The following SYT16 variants were observed in gnomAD, a reference collection of about 807,000 sequenced individuals.
SYT16 encodes synaptotagmin 16.
SYT16 carries 42 observed loss-of-function variants against 61.4 expected under a neutral mutation model. The observed-to-expected ratio is 0.68, with a 90% CI of 0.53 to 0.89. The LOEUF (loss-of-function observed/expected upper bound fraction) is 0.89, where lower values mean the gene tolerates loss of function less well. SYT16 is among the 40% of genes least tolerant of loss of function. SYT16 has a pLI of 0.00. For missense variants in SYT16, 804 were observed against 807.3 expected (o/e 1.00, Z 0.05); for synonymous variants, 314 against 302.3 (o/e 1.04, Z -0.40).
At chr14:61,907,795 C>T (rs2048781139) in intron 1 of SYT16, among the ~76,000 whole-genome samples, 1 of 152,170 alleles carries the variant, frequency 6.6e-6, no homozygotes, top group Non-Finnish European at 1.5e-5. Flanking sequence ...GGTGTGAGCC[C>T]CAGGGGGGTG....
intron 3 of SYT16, among the ~76,000 whole-genome samples, chr14:61,999,194 T>C (rs1455593976): frequency 6.6e-6 from 1 of 151,820 alleles, no homozygotes; most frequent in Non-Finnish European, 1.5e-5. Flanking sequence ...GAAAAATTTG[T>C]GTACAATTAT....
chr14:62,016,724 AAAAT>A (rs926457649), intron 3 of SYT16, among the ~76,000 whole-genome samples: 2 of 152,024 alleles, frequency 1.3e-5, no homozygotes, highest in African/African-American at 4.8e-5. Context: ...AAAAAGAAAA[AAAAT>A]AAAGTTATGG....
intron 1 of SYT16, among the ~76,000 whole-genome samples, chr14:61,858,466 C>A (rs562127277): frequency 6.6e-6 from 1 of 152,212 alleles, no homozygotes; most frequent in South Asian, 2.1e-4. Flanking sequence ...GGGAATACTT[C>A]AGTGGTCTTA....
At chr14:61,848,810 A>G (rs983716620) in intron 1 of SYT16, among the ~76,000 whole-genome samples, 1 of 152,132 alleles carries the variant, frequency 6.6e-6, no homozygotes, top group Non-Finnish European at 1.5e-5. Context: ...CCCTTTTGTG[A>G]CAGAGCTGGT....
chr14:62,043,247 A>C (rs980650762), intron 3 of SYT16, among the ~76,000 whole-genome samples: 3 of 151,990 alleles, frequency 2.0e-5, no homozygotes, highest in Non-Finnish European at 4.4e-5. Flanking sequence ...GAGAATAAGT[A>C]TTCTTGTCTT....
At chr14:61,955,477 T>C (rs566919973) in intron 1 of SYT16, among the ~76,000 whole-genome samples, 1 of 152,172 alleles carries the variant, frequency 6.6e-6, no homozygotes, top group South Asian at 2.1e-4. Context: ...CAACTAACAT[T>C]CTCTCTGCTT....
chr14:61,889,951 G>C (rs2048059568), intron 1 of SYT16, among the ~76,000 whole-genome samples: 1 of 151,936 alleles, frequency 6.6e-6, no homozygotes, highest in Non-Finnish European at 1.5e-5. Flanking sequence ...AGGACTCAGA[G>C]GGGCTGGATA....
chr14:62,027,794 A>T (rs2054158372), intron 3 of SYT16, among the ~76,000 whole-genome samples: 1 of 152,114 alleles, frequency 6.6e-6, no homozygotes, highest in Admixed American at 6.5e-5. Context: ...GCCATGTTTA[A>T]TTTGAGTCTT....
At position 62,069,777 on chromosome 14, in the gene SYT16, C is replaced by T; in HGVS notation, c.698C>T (p.Thr233Ile). 6.2e-7 allele frequency: 1 copy of T among 1,614,016 alleles called. No individual in the cohort carries two copies. The highest frequency in any genetic ancestry group is 2.2e-5 in the East Asian group (1 of 44,882). The change falls in exon 4 of 8, where the codon ACA becomes ATA. Residue 233 changes from threonine to isoleucine, a missense_variant. By Grantham distance (89) the Thr-to-Ile change is moderately conservative. Transcript: ENST00000683842. Reference protein sequence around the residue: ...QKPKFSRSLLTHGEDGTEVSA... With the variant: ...QKPKFSRSLLIHGEDGTEVSA... ...CCAAAATTCAGCCGTTCGTTGTTGA[C>T]ACACGGAGAAGATGGCACAGAAGTA...
intron 1 of SYT16, among the ~76,000 whole-genome samples, chr14:61,836,495 T>C (rs2046133860): frequency 6.6e-6 from 1 of 152,238 alleles, no homozygotes; most frequent in African/African-American, 2.4e-5. Context: ...GAATATTAAA[T>C]GTGCACCTTC....
chr14:61,924,732 TG>T (rs1339966164), intron 1 of SYT16, among the ~76,000 whole-genome samples: 1 of 152,200 alleles, frequency 6.6e-6, no homozygotes, highest in Non-Finnish European at 1.5e-5. Context: ...TTATGTAAAA[TG>T]GCAATGATGA....
At chr14:62,063,116 C>T (rs1169294201) in intron 3 of SYT16, among the ~76,000 whole-genome samples, 3 of 152,150 alleles carry the variant, frequency 2.0e-5, no homozygotes, top group African/African-American at 7.2e-5. Flanking sequence ...CACCTCCAGG[C>T]TTGGGAAAAA....
Position 62,101,068 on chromosome 14 carries a change from A to G in SYT16, c.*361A>G, listed in dbSNP as rs1468412191. The G allele has an allele frequency of 5.7e-6, 1 of 175,890 alleles. No homozygotes were observed. The highest frequency in any genetic ancestry group is 2.4e-5 in the African/African-American group (1 of 42,048). 10.9% of individuals were successfully genotyped at this position (175,890 alleles called of 1,614,324 possible). A position where few individuals can be genotyped will look rare whatever the true frequency, so the allele number is the denominator to read the frequency against. On this transcript the variant is annotated 3_prime_UTR_variant, in exon 8 of 8. Coordinates refer to ENST00000683842, the MANE Select transcript of SYT16 (RefSeq NM_001367656.1). ...ACCTGAGATTGCAAGGGAGCTGTTAATTGTTACTATTTGCAACCATTTAGG... is the reference window on the plus strand; with the variant it reads ...ACCTGAGATTGCAAGGGAGCTGTTAGTTGTTACTATTTGCAACCATTTAGG...
chr14:62,003,795 A>G (rs1421574042), intron 3 of SYT16, among the ~76,000 whole-genome samples: 1 of 152,172 alleles, frequency 6.6e-6, no homozygotes, highest in Non-Finnish European at 1.5e-5. Context: ...TATGTAACCA[A>G]TCCTATAAAA....
intron 1 of SYT16, among the ~76,000 whole-genome samples, chr14:61,842,402 C>T (rs1466982024): frequency 6.6e-6 from 1 of 152,094 alleles, no homozygotes; most frequent in Admixed American, 6.6e-5. Flanking sequence ...TTTTAGGTCC[C>T]ACAAATAAAT....
chr14:62,077,326 C>A (rs904820361), intron 5 of SYT16, among the ~76,000 whole-genome samples: 1 of 152,212 alleles, frequency 6.6e-6, no homozygotes, highest in African/African-American at 2.4e-5. Flanking sequence ...CTCAAGGAAT[C>A]ATTTATTTTG....
intron 2 of SYT16, among the ~76,000 whole-genome samples, chr14:61,977,320 A>C (rs529983162): frequency 1.3e-5 from 2 of 152,182 alleles, no homozygotes; most frequent in Non-Finnish European, 2.9e-5. Context: ...TTACTGTATT[A>C]GTCAATTTTC....
chr14:61,983,375 G>A (rs2052167437), intron 2 of SYT16, among the ~76,000 whole-genome samples: 2 of 152,092 alleles, frequency 1.3e-5, no homozygotes, highest in African/African-American at 4.8e-5. Flanking sequence ...GGCACTTTGA[G>A]GTTTAATGAA....
chr14:61,848,265 G>GT (rs2140265930), intron 1 of SYT16, among the ~76,000 whole-genome samples: 1 of 152,308 alleles, frequency 6.6e-6, no homozygotes, highest in South Asian at 2.1e-4. Context: ...CACTGAAGCC[G>GT]TATCTGCATT....
Sources: allele counts gnomAD v4.1 joint callset (sites outside exome capture counted in the v4.1 genomes callset), GRCh38; gene constraint gnomAD v4.1.1; transcripts MANE v1.5; gene names NCBI Gene and HGNC (gene_info 2026-07-23, HGNC 2026-07-21).